The following PRDM16 variants were observed in gnomAD, a reference collection of about 807,000 sequenced individuals.
The protein encoded by PRDM16 is PR/SET domain 16.
PRDM16 carries 23 observed loss-of-function variants against 110.6 expected under a neutral mutation model. The observed-to-expected ratio is 0.21, with a 90% CI of 0.15 to 0.29. PRDM16 has a LOEUF of 0.29. PRDM16 is among the 10% of genes least tolerant of loss of function. PRDM16 has a pLI of 1.00. For missense variants in PRDM16, 1,615 were observed against 1,794.3 expected (o/e 0.90, Z 1.81); for synonymous variants, 799 against 781.8 (o/e 1.02, Z -0.37).
intron 1 of PRDM16, among the ~76,000 whole-genome samples, chr1:3,117,041 C>T (rs1224555082): frequency 1.3e-5 from 2 of 152,210 alleles, no homozygotes; most frequent in Non-Finnish European, 2.9e-5. Flanking sequence ...CAGGTGGGCA[C>T]AGCTGCCCCC....
At position 3,081,902 on chromosome 1, in the gene PRDM16, G is replaced by A. The variant is rs1483654657; in HGVS notation, c.37+12606G>A. ...CTCCCCTCACAGACCCAGAGGCAGA[G>A]GCCTTCAGGGCCAGCAGTCAGGATG... is the stretch of plus-strand genomic sequence containing the variant. On this transcript the variant is annotated intron_variant, in intron 1 of 16. Coordinates refer to ENST00000270722, the MANE Select transcript of PRDM16 (RefSeq NM_022114.4). The surrounding 1 kb of genome is among the most constrained non-coding windows in gnomAD (Gnocchi z 4.6). Among the ~76,000 whole-genome samples, 5 of 152,218 alleles carry A rather than the reference G, an allele frequency of 3.3e-5. No individual in the cohort carries two copies. The highest frequency in any genetic ancestry group is 1.2e-4 in the African/African-American group (5 of 41,466).
intron 2 of PRDM16, among the ~76,000 whole-genome samples, chr1:3,200,346 T>A (rs894976835): frequency 1.3e-5 from 2 of 152,072 alleles, no homozygotes; most frequent in South Asian, 2.1e-4. Flanking sequence ...ATTTTTTTTT[T>A]ATTTTTTATT....
In PRDM16 at chr1:3,145,410, C is replaced by G. The variant is rs74050133; in HGVS notation, c.38-40715C>G. Among the ~76,000 whole-genome samples the G allele has an allele frequency of 4.0e-3, 608 of 152,292 alleles. 5 individuals are homozygous for G. The highest frequency in any genetic ancestry group is 0.014 in the African/African-American group (568 of 41,568). On this transcript the variant is annotated intron_variant, in intron 1 of 16. Coordinates refer to ENST00000270722, the MANE Select transcript of PRDM16 (RefSeq NM_022114.4). ...TCCAGGGCCAGGTGGCCACACTGTG[C>G]TTTTGGGTGTTCCCCAGCCCTGCCT...
Position 3,230,026 on chromosome 1 carries a change from C to T in PRDM16, c.388-14061C>T, listed in dbSNP as rs531815820. ...GTTTGCATGAACACTCTGTGCACTT[C>T]GGATGCATGGCTGTGGCCCAAGGAG... On this transcript the variant is annotated intron_variant, in intron 2 of 16. Transcript: ENST00000270722. Among the ~76,000 whole-genome samples the T allele has an allele frequency of 4.6e-5, 7 of 152,360 alleles. No individual in the cohort carries two copies. The East Asian group carries it at 9.7e-4, about 21-fold the overall frequency.
At position 3,121,276 on chromosome 1, in the gene PRDM16, C is replaced by T. The variant is rs574153113; in HGVS notation, c.37+51980C>T. On this transcript the variant is annotated intron_variant, in intron 1 of 16. Coordinates refer to ENST00000270722, the MANE Select transcript of PRDM16 (RefSeq NM_022114.4). ...GCAGGACCCGGGGCTGCGGTGCCTC[C>T]GGTCCTAGCAATCTGCCCCTGAAAA... 9.2e-4 allele frequency among the ~76,000 whole-genome samples: 140 copies of T among 152,330 alleles called. 1 individual carries two copies. Among genetic ancestry groups the T allele is most frequent in the Middle Eastern group, 3.4e-3 (1 of 294 alleles).
intron 2 of PRDM16, among the ~76,000 whole-genome samples, chr1:3,234,460 C>T (rs1355486414): frequency 2.0e-5 from 3 of 152,226 alleles, no homozygotes; most frequent in East Asian, 1.9e-4. Context: ...AGGCGGGAGC[C>T]GGACCCTGTG....
intron 3 of PRDM16, among the ~76,000 whole-genome samples, chr1:3,361,499 A>G (rs749136760): frequency 8.5e-5 from 13 of 152,268 alleles, no homozygotes; most frequent in Non-Finnish European, 1.6e-4. Flanking sequence ...AGAAAAGGGT[A>G]TCTGTGGAAC....
rs960798158 is a variant in PRDM16 at position 3,246,624 on chromosome 1, G to A, written c.438+2487G>A. ...GTCCTCAGGCACAGCTCCACCAGAG[G>A]GGGAGGCTGCCACACAGCACTGCCT... On this transcript the variant is annotated intron_variant, in intron 3 of 16. Coordinates refer to ENST00000270722, the MANE Select transcript of PRDM16 (RefSeq NM_022114.4). This position sits in a 1 kb window ranked among gnomAD's most constrained non-coding sequence, Gnocchi z 5.2. 5.9e-5 allele frequency among the ~76,000 whole-genome samples: 9 copies of A among 152,222 alleles called. No homozygotes were observed. The highest frequency in any genetic ancestry group is 5.9e-4 in the Admixed American group (9 of 15,284).
chr1:3,433,656 G>A (rs764918397), intron 16 of PRDM16, 21 bp from the exon 17 acceptor site: 2 of 1,608,314 alleles, frequency 1.2e-6, no homozygotes, highest in Middle Eastern at 1.6e-4. Context: ...TCCTGTGTGT[G>A]TGTCATCCCC....
intron 1 of PRDM16, among the ~76,000 whole-genome samples, chr1:3,099,186 G>A (rs544803702): frequency 3.3e-5 from 5 of 152,344 alleles, no homozygotes; most frequent in African/African-American, 4.8e-5. Context: ...GACCCAGGTT[G>A]AGGGCAGCTC....
chr1:3,321,389 TGTGA>T (rs967775311), intron 3 of PRDM16, among the ~76,000 whole-genome samples: 13 of 39,810 alleles, frequency 3.3e-4, no homozygotes, highest in Middle Eastern at 0.023. Flanking sequence ...TGTGGGTCTC[TGTGA>T]GTGTGTGCAT....
At chr1:3,121,895 T>G (rs528216842) in intron 1 of PRDM16, among the ~76,000 whole-genome samples, 1 of 152,282 alleles carries the variant, frequency 6.6e-6, no homozygotes, top group Non-Finnish European at 1.5e-5. Context: ...CCCTGGGTGA[T>G]GTAGTGAGTG....
At chr1:3,084,401 G>A (rs956886903) in intron 1 of PRDM16, among the ~76,000 whole-genome samples, 2 of 152,198 alleles carry the variant, frequency 1.3e-5, no homozygotes, top group African/African-American at 4.8e-5. Flanking sequence ...AGCGCTCGGC[G>A]GCCGGAGAGA....
chr1:3,295,531 C>G (rs1342811977), intron 3 of PRDM16, among the ~76,000 whole-genome samples: 1 of 152,102 alleles, frequency 6.6e-6, no homozygotes, highest in Non-Finnish European at 1.5e-5. Flanking sequence ...GTGCAGGTAG[C>G]CATGCACATG....
At position 3,363,201 on chromosome 1, in the gene PRDM16, C is replaced by T. The variant is rs566551095; in HGVS notation, c.439-21951C>T. Among the ~76,000 whole-genome samples the T allele has an allele frequency of 7.2e-5, 11 of 152,320 alleles. No individual in the cohort carries two copies. The East Asian group carries it at 2.1e-3, about 29-fold the overall frequency. ...AAAGGCTGCTGTCCGCTCCTGACTG[C>T]ATCTCGGGGCCCGCGACAGTGTGAG... On this transcript the variant is annotated intron_variant, in intron 3 of 16. Coordinates refer to ENST00000270722, the MANE Select transcript of PRDM16 (RefSeq NM_022114.4).
intron 11 of PRDM16, among the ~76,000 whole-genome samples, chr1:3,418,250 G>T (rs919026094): frequency 6.6e-6 from 1 of 152,228 alleles, no homozygotes; most frequent in Non-Finnish European, 1.5e-5. Context: ...AACTGGGAAG[G>T]CTGGGCCTGA....
In PRDM16 at chr1:3,434,996, G is replaced by A. The variant is rs949214337; in HGVS notation, c.*1185G>A. The A allele has an allele frequency of 4.8e-4, 110 of 227,888 alleles. 1 individual carries two copies. The highest frequency in any genetic ancestry group is 2.2e-3 in the African/African-American group (98 of 45,050). 14.1% of individuals were successfully genotyped at this position (227,888 alleles called of 1,614,324 possible). ...GAGACTCCGGATGGACGACACAGTC[G>A]TCACGTCGCTCTTCCTGCGGGTTCT... On this transcript the variant is annotated 3_prime_UTR_variant, in exon 17 of 17. Transcript: ENST00000270722.
Position 3,321,629 on chromosome 1 carries a change from G to C in PRDM16, c.439-63523G>C, listed in dbSNP as rs35135252. Among the ~76,000 whole-genome samples the C allele has an allele frequency of 3.0e-3, 456 of 149,548 alleles. 4 individuals are homozygous for C. The highest frequency in any genetic ancestry group is 0.011 in the African/African-American group (434 of 39,422). On this transcript the variant is annotated intron_variant, in intron 3 of 16. Coordinates refer to ENST00000270722, the MANE Select transcript of PRDM16 (RefSeq NM_022114.4). ...CACATGTATGTGAGGCCACACATAT[G>C]TGTATGTATGTGTGATTGTGATGTG... is the stretch of plus-strand genomic sequence containing the variant.
At chr1:3,223,467 C>G (rs1190418334) in intron 2 of PRDM16, among the ~76,000 whole-genome samples, 1 of 152,106 alleles carries the variant, frequency 6.6e-6, no homozygotes, top group Non-Finnish European at 1.5e-5. Flanking sequence ...GGTGCTGACC[C>G]CACGCTCACC....
Sources: allele counts gnomAD v4.1 joint callset (sites outside exome capture counted in the v4.1 genomes callset), GRCh38; gene constraint gnomAD v4.1.1; non-coding constraint Gnocchi (gnomAD v3.1); transcripts MANE v1.5; gene names NCBI Gene and HGNC (gene_info 2026-07-23, HGNC 2026-07-21).